TTC39A: variants seen among roughly 807,000 people sequenced by gnomAD.
TTC39A encodes the protein tetratricopeptide repeat protein 39A.
A neutral mutation model predicts 82.3 loss-of-function variants in TTC39A; 46 were observed. The observed-to-expected ratio is 0.56, with a 90% CI of 0.44 to 0.71. TTC39A has a LOEUF of 0.71. Among genes scored for constraint, TTC39A ranks in the 30% least tolerant of loss-of-function variants. TTC39A has a pLI of 0.00. For synonymous variants in TTC39A, 254 were observed against 275.2 expected (o/e 0.92, Z 0.76); for missense variants, 543 against 712.9 (o/e 0.76, Z 2.71).
At chr1:51,334,071 T>C (rs1318595046), upstream of TTC39A, among the ~76,000 whole-genome samples, 1 of 151,888 alleles carries the variant, frequency 6.6e-6, no homozygotes, top group Non-Finnish European at 1.5e-5. Context: ...TAAGAATTCA[T>C]ATATAAGCTG....
At chr1:51,339,697 G>A (rs1281837021) in intron 1 of TTC39A, among the ~76,000 whole-genome samples, 1 of 152,200 alleles carries the variant, frequency 6.6e-6, no homozygotes, top group Non-Finnish European at 1.5e-5. Flanking sequence ...GCTGAGGTGG[G>A]AGGATCACTT....
At chr1:51,300,545 T>C (rs1258960621) in intron 12 of TTC39A, 1 of 152,250 alleles carries the variant, frequency 6.6e-6, no homozygotes, top group Non-Finnish European at 1.5e-5. Flanking sequence ...GATGAAGCCA[T>C]GAAGACACAT....
Position 51,294,116 on chromosome 1 carries a change from G to A in TTC39A, c.1266+275C>T, listed in dbSNP as rs577203127. Among the ~76,000 whole-genome samples, 3 of 152,282 alleles carry A rather than the reference G, an allele frequency of 2.0e-5. No homozygotes were observed. The highest frequency in any genetic ancestry group is 6.5e-5 in the Admixed American group (1 of 15,292). On this transcript the variant is annotated intron_variant, in intron 14 of 17. Coordinates refer to ENST00000680483, the MANE Select transcript of TTC39A (RefSeq NM_001297663.2). This position sits in a 1 kb window ranked among gnomAD's most constrained non-coding sequence, Gnocchi z 4.3. ...GGATCACTGGCAGCCGGGTGATGCC[G>A]CTGCCTGGGCACATGGACATGGGGC...
At chr1:51,309,371 G>A in intron 5 of TTC39A, 46 bp from the exon 6 acceptor site, 1 of 1,612,028 alleles carries the variant, frequency 6.2e-7, no homozygotes, top group Non-Finnish European at 8.5e-7. Flanking sequence ...GTGGGCAGCT[G>A]CAGGCGTGAG....
intron 2 of TTC39A, among the ~76,000 whole-genome samples, chr1:51,319,817 A>T (rs996976519): frequency 9.2e-5 from 14 of 151,494 alleles, no homozygotes; most frequent in Non-Finnish European, 1.5e-4. Context: ...CAGCCTCCTG[A>T]GTAGCTGGCA....
chr1:51,325,413 TCTCTGCCCAGGG>T (rs1276646081), intron 1 of TTC39A, among the ~76,000 whole-genome samples: 1 of 152,198 alleles, frequency 6.6e-6, no homozygotes, highest in African/African-American at 2.4e-5. Context: ...ATGGTGTCTG[TCTCTGCCCAGGG>T]CATAGCCTAG....
rs994141214 is a variant in TTC39A at position 51,324,224 on chromosome 1, C to G, written c.42-2399G>C. The stretch of plus-strand genomic sequence containing the variant: ...TTGCTGGTGGGGGCGGACCTTTTTT[C>G]TAGCCAATCTTCCTATTCACTGAGG... On this transcript the variant is annotated intron_variant, in intron 1 of 17. Coordinates refer to ENST00000680483, the MANE Select transcript of TTC39A (RefSeq NM_001297663.2). Among the ~76,000 whole-genome samples the G allele has an allele frequency of 5.3e-5, 8 of 152,230 alleles. No homozygotes were observed. The South Asian group carries it at 1.7e-3, about 32-fold the overall frequency.
At chr1:51,334,283 C>T (rs1313638073), upstream of TTC39A, among the ~76,000 whole-genome samples, 1 of 151,440 alleles carries the variant, frequency 6.6e-6, no homozygotes, top group Non-Finnish European at 1.5e-5. Flanking sequence ...GTGGGCGGAT[C>T]ACCTGAGGTC....
chr1:51,305,804 C>T (rs977588292), intron 7 of TTC39A, among the ~76,000 whole-genome samples, 173 bp downstream of exon 7: 1 of 152,224 alleles, frequency 6.6e-6, no homozygotes, highest in Non-Finnish European at 1.5e-5. Flanking sequence ...ACACCACCCC[C>T]ACCCCAGCTG....
intron 8 of TTC39A, among the ~76,000 whole-genome samples, 200 bp from the exon 9 acceptor site, chr1:51,303,392 C>T (rs1644753032): frequency 6.6e-6 from 1 of 152,210 alleles, no homozygotes; most frequent in African/African-American, 2.4e-5. Context: ...ACACGGCTGC[C>T]AAGGCCAGGA....
intron 2 of TTC39A, among the ~76,000 whole-genome samples, chr1:51,315,524 C>T (rs1171360783): frequency 2.0e-5 from 3 of 152,188 alleles, no homozygotes; most frequent in African/African-American, 7.2e-5. Flanking sequence ...CCCTTGGCCT[C>T]TCCAAGTCTC....
In TTC39A at chr1:51,288,355, TGAGCCCCGC is replaced by T; in HGVS notation, c.1611-84_1611-76del. ...TGCTTTTCCTCCTGTTTGAGCTGTA[TGAGCCCCGC>T]GAGCCAAGGAAGGATTGTAGAGAAA... On this transcript the variant is annotated intron_variant, in intron 17 of 17. Transcript: ENST00000680483. This position sits in a 1 kb window ranked among gnomAD's most constrained non-coding sequence, Gnocchi z 4.8. 1 of 1,573,614 alleles carries T rather than the reference TGAGCCCCGC, an allele frequency of 6.4e-7. No individual in the cohort carries two copies. Among genetic ancestry groups the T allele is most frequent in the South Asian group, 1.1e-5 (1 of 89,028 alleles).
chr1:51,312,068 A>G (rs1645104134), intron 4 of TTC39A, 51 bp downstream of exon 4: 19 of 1,570,288 alleles, frequency 1.2e-5, no homozygotes, highest in Admixed American at 1.8e-5. Context: ...CTGGGCCTGG[A>G]GCTGGCCACC....
chr1:51,289,882 T>C, intron 16 of TTC39A, 123 bp downstream of exon 16: 1 of 712,152 alleles, frequency 1.4e-6, no homozygotes, highest in Non-Finnish European at 2.4e-6. Flanking sequence ...ACTGGTTTAG[T>C]ACCTGTGTGG....
At chr1:51,299,151 C>A (rs550491543) in intron 12 of TTC39A, 1 of 152,196 alleles carries the variant, frequency 6.6e-6, no homozygotes, top group Non-Finnish European at 1.5e-5. Flanking sequence ...ACTTAGGCCT[C>A]GGAACCTGGC....
intron 6 of TTC39A, among the ~76,000 whole-genome samples, chr1:51,308,330 C>CA: frequency 6.6e-6 from 1 of 152,042 alleles, no homozygotes; most frequent in East Asian, 1.9e-4. Context: ...ACCTCCGCCT[C>CA]CCTGGTTCAA....
At chr1:51,317,857 G>T (rs894847669) in intron 2 of TTC39A, among the ~76,000 whole-genome samples, 4 of 152,226 alleles carry the variant, frequency 2.6e-5, no homozygotes, top group African/African-American at 9.6e-5. Flanking sequence ...GAGATAACAG[G>T]TGGCCCCATG....
chr1:51,311,411 C>G, intron 4 of TTC39A, 90 bp from the exon 5 acceptor site: 1 of 1,215,152 alleles, frequency 8.2e-7, no homozygotes, highest in South Asian at 1.4e-5. Context: ...TCCCCAAAAG[C>G]AAAGGGAACC....
At chr1:51,301,937 G>T (rs908571242) in intron 11 of TTC39A, 2 of 695,026 alleles carry the variant, frequency 2.9e-6, no homozygotes, top group Non-Finnish European at 4.8e-6. Context: ...CATGACGTTG[G>T]GCTCAAATAC....
Sources: gnomAD v4.1 joint callset for allele counts (sites outside exome capture counted in the v4.1 genomes callset) on GRCh38, gnomAD v4.1.1 for gene constraint, Gnocchi (gnomAD v3.1) non-coding constraint, MANE v1.5 for transcripts, NCBI Gene and HGNC (gene_info 2026-07-23, HGNC 2026-07-21) for gene names.